The following MME variants were observed in gnomAD, a reference collection of about 807,000 sequenced individuals.
The protein encoded by MME is membrane metalloendopeptidase.
MME carries 98 observed loss-of-function variants against 113.2 expected under a neutral mutation model. The observed-to-expected ratio is 0.87, with a 90% confidence interval of 0.74 to 1.02. MME has a LOEUF of 1.02. MME is among the 50% of genes least tolerant of loss of function. The probability of loss-of-function intolerance (pLI) is 0.00; values close to 1 mark genes in which losing one functional copy is unlikely to be tolerated. For synonymous variants in MME, 292 were observed against 300.6 expected (o/e 0.97, Z 0.30); for missense variants, 836 against 896.0 (o/e 0.93, Z 0.86).
intron 1 of MME, among the ~76,000 whole-genome samples, chr3:155,051,392 C>T (rs1398971616): frequency 1.3e-5 from 2 of 152,154 alleles, no homozygotes; most frequent in Admixed American, 6.6e-5. Context: ...AGTTTATTTT[C>T]ACACTGCTGT....
At chr3:155,045,796 T>A (rs1347414690) in intron 1 of MME, among the ~76,000 whole-genome samples, 1 of 152,106 alleles carries the variant, frequency 6.6e-6, no homozygotes, top group East Asian at 1.9e-4. Context: ...TTTGCTTTTT[T>A]TTTTAGCTTC....
rs1048773080 is a variant in MME, at chr3:155,030,112, G to A, written c.-11+5788G>A. ...AAAGGCACAGAAATTAGATCTAAAC[G>A]CCATTATTTGTTCAGACAAAAAAGG... is the stretch of plus-strand genomic sequence containing the variant. On this transcript the variant is annotated intron_variant, in intron 1 of 22. Coordinates refer to the MME transcript ENST00000492661. 1.4e-4 allele frequency among the ~76,000 whole-genome samples: 21 copies of A among 152,060 alleles called. 1 individual carries two copies. The highest frequency in any genetic ancestry group is 3.3e-4 in the Admixed American group (5 of 15,250).
chr3:155,146,254 AG>A (rs1409978727), intron 14 of MME, among the ~76,000 whole-genome samples: 1 of 152,182 alleles, frequency 6.6e-6, no homozygotes, highest in Non-Finnish European at 1.5e-5. Flanking sequence ...GGCCAGGTGC[AG>A]TGGCTCCCTG....
At chr3:155,034,922 G>T (rs567007234) in intron 1 of MME, among the ~76,000 whole-genome samples, 1 of 152,294 alleles carries the variant, frequency 6.6e-6, no homozygotes, top group South Asian at 2.1e-4. Flanking sequence ...CTGGAGTTCT[G>T]TGTTGAGCAG....
At chr3:155,153,238 G>T (rs1722071477) in intron 16 of MME, among the ~76,000 whole-genome samples, 1 of 152,018 alleles carries the variant, frequency 6.6e-6, no homozygotes, top group Non-Finnish European at 1.5e-5. Context: ...TGTTGGCCAG[G>T]CTGGTCTCGA....
At chr3:155,133,056 A>ATATATATATATATATATATAT (rs1466261014) in intron 8 of MME, among the ~76,000 whole-genome samples, 1 of 85,324 alleles carries the variant, frequency 1.2e-5, no homozygotes, top group Non-Finnish European at 2.7e-5. Context: ...AAAAAAAAAA[A>ATATATATATATATATATATAT]AAAAAAATAT....
chr3:155,140,691 CCA>C (rs1261307685), intron 10 of MME, among the ~76,000 whole-genome samples: 1 of 152,010 alleles, frequency 6.6e-6, no homozygotes, highest in Admixed American at 6.6e-5. Context: ...CAGGTGTGAG[CCA>C]CCACTCTTAG....
intron 1 of MME, among the ~76,000 whole-genome samples, chr3:155,039,064 A>T (rs1348825883): frequency 6.6e-6 from 1 of 152,206 alleles, no homozygotes; most frequent in Non-Finnish European, 1.5e-5. Flanking sequence ...TAACCACACA[A>T]AACACCCCAA....
chr3:155,100,054 A>T (rs1431767647), intron 3 of MME, among the ~76,000 whole-genome samples: 3 of 152,190 alleles, frequency 2.0e-5, no homozygotes, highest in Admixed American at 6.5e-5. Flanking sequence ...GACAAATGGG[A>T]TCTAATTAAA....
At chr3:155,154,840 G>C (rs536934825) in intron 16 of MME, among the ~76,000 whole-genome samples, 2 of 152,242 alleles carry the variant, frequency 1.3e-5, no homozygotes, top group Admixed American at 1.3e-4. Flanking sequence ...GGACACTTGA[G>C]ACAAATGACT....
chr3:155,105,721 G>T (rs544139691), intron 3 of MME, among the ~76,000 whole-genome samples: 1 of 152,206 alleles, frequency 6.6e-6, no homozygotes, highest in South Asian at 2.1e-4. Context: ...GGAAAATGGG[G>T]ACACAAATAT....
At chr3:155,096,723 G>T (rs529483567) in intron 3 of MME, among the ~76,000 whole-genome samples, 9 of 152,156 alleles carry the variant, frequency 5.9e-5, no homozygotes, top group African/African-American at 2.2e-4. Context: ...TTGTTTGTTT[G>T]TTTGTTTGTT....
intron 3 of MME, among the ~76,000 whole-genome samples, chr3:155,093,829 C>T (rs1716497513): frequency 6.7e-6 from 1 of 148,772 alleles, no homozygotes; most frequent in African/African-American, 2.5e-5. Flanking sequence ...GCACTCCAGC[C>T]TGGGCGACAG....
chr3:155,045,505 T>G (rs963393930), intron 1 of MME, among the ~76,000 whole-genome samples: 3 of 151,364 alleles, frequency 2.0e-5, no homozygotes, highest in Non-Finnish European at 4.4e-5. Flanking sequence ...GTGGTTTGGA[T>G]CTTTCAAAAT....
chr3:155,108,369 G>T (rs1717871923), intron 3 of MME, among the ~76,000 whole-genome samples: 1 of 152,152 alleles, frequency 6.6e-6, no homozygotes, highest in Admixed American at 6.5e-5. Flanking sequence ...GCCGAGGCGG[G>T]TGGATTACCT....
intron 1 of MME, among the ~76,000 whole-genome samples, chr3:155,024,622 T>C (rs934423497): frequency 6.6e-6 from 1 of 152,226 alleles, no homozygotes; most frequent in Non-Finnish European, 1.5e-5. Context: ...ATTCCACTTT[T>C]TCTGCTATAT....
intron 3 of MME, among the ~76,000 whole-genome samples, chr3:155,090,885 T>C (rs1716233063): frequency 6.6e-6 from 1 of 152,200 alleles, no homozygotes; most frequent in African/African-American, 2.4e-5. Context: ...CCCTAGGTGA[T>C]GCATCTTGGC....
intron 8 of MME, among the ~76,000 whole-genome samples, chr3:155,124,728 CTCGGGGG>C (rs1180827373): frequency 1.7e-4 from 26 of 151,822 alleles, no homozygotes; most frequent in African/African-American, 5.1e-4. Flanking sequence ...AGTTAGGCTG[CTCGGGGG>C]TCAGGGGTCA....
chr3:155,106,223 T>C (rs1287885449), intron 3 of MME, among the ~76,000 whole-genome samples: 1 of 152,226 alleles, frequency 6.6e-6, no homozygotes, highest in African/African-American at 2.4e-5. Flanking sequence ...GATGGTTTCA[T>C]GGTACTCACC....
Sources: gnomAD v4.1 joint callset for allele counts (sites outside exome capture counted in the v4.1 genomes callset) on GRCh38, gnomAD v4.1.1 for gene constraint, MANE v1.5 for transcripts, NCBI Gene and HGNC (gene_info 2026-07-23, HGNC 2026-07-21) for gene names.